The following ZFP64 variants were observed in gnomAD, a reference collection of about 807,000 sequenced individuals.
ZFP64 encodes ZFP64 zinc finger protein.
ZFP64 carries 14 observed loss-of-function variants against 51.6 expected under a neutral mutation model. The observed-to-expected ratio is 0.27, with a 90% CI of 0.18 to 0.42. ZFP64 has a LOEUF of 0.42. Among genes scored for constraint, ZFP64 ranks in the 10% least tolerant of loss-of-function variants. The probability of loss-of-function intolerance (pLI) is 1.00; values close to 1 mark genes in which losing one functional copy is unlikely to be tolerated. For missense variants in ZFP64, 754 were observed against 906.8 expected, an observed-to-expected ratio of 0.83 and a Z score of 2.16; for synonymous variants, 375 against 361.4, an observed-to-expected ratio of 1.04 and a Z score of -0.43.
chr20:52,142,382 A>ACACACACACACGCGCGCG (rs879903441), intron 5 of ZFP64, among the ~76,000 whole-genome samples: 4 of 84,408 alleles, frequency 4.7e-5, no homozygotes, highest in African/African-American at 6.8e-5. Context: ...ACACAGACAC[A>ACACACACACACGCGCGCG]CACACACACA....
At chr20:52,134,350 G>A (rs1979869404) in intron 5 of ZFP64, among the ~76,000 whole-genome samples, 1 of 152,276 alleles carries the variant, frequency 6.6e-6, no homozygotes, top group South Asian at 2.1e-4. Context: ...GCCTTCCACA[G>A]TAAGCCACTG....
chr20:52,108,861 A>AACACACACACAC (rs57127987), intron 5 of ZFP64, among the ~76,000 whole-genome samples: 7 of 139,750 alleles, frequency 5.0e-5, no homozygotes, highest in Admixed American at 2.9e-4. Flanking sequence ...GAAAATCTGA[A>AACACACACACAC]ACACACACAC....
chr20:52,164,186 G>A (rs573843668), intron 4 of ZFP64, among the ~76,000 whole-genome samples: 39 of 152,242 alleles, frequency 2.6e-4, no homozygotes, highest in African/African-American at 9.1e-4. Flanking sequence ...GGTGGCGTCT[G>A]CCTGTAGTCC....
Position 52,165,902 on chromosome 20 carries a change from G to A in ZFP64, c.410C>T (p.Thr137Ile), listed in dbSNP as rs1982225901. 1 of 1,614,166 alleles carries A rather than the reference G, an allele frequency of 6.2e-7. No homozygotes were observed. Among genetic ancestry groups the A allele is most frequent in the South Asian group, 1.1e-5 (1 of 91,082 alleles). ...PAKSRTKKPT[T>I]PPAQKRLNCC... ...GTTAAGCCTTTTCTGAGCAGGTGGT[G>A]TTGTGGGCTTTTTGGTGCGTGACTT... The change falls in exon 3 of 6, where the codon ACA (threonine) becomes ATA (isoleucine). Residue 137 changes from threonine (T) to isoleucine (I), a missense_variant. This residue lies in a region of ZFP64 where 231 missense variants were observed against 336.7 expected (regional missense o/e 0.69). Transcript: ENST00000216923.
At chr20:52,101,101 C>T (rs2079045282) in intron 5 of ZFP64, among the ~76,000 whole-genome samples, 1 of 152,110 alleles carries the variant, frequency 6.6e-6, no homozygotes, top group Admixed American at 6.6e-5. Context: ...GGGTGAAGGC[C>T]AGGGATGCTG....
intron 5 of ZFP64, among the ~76,000 whole-genome samples, chr20:52,104,307 C>T (rs1482303264): frequency 1.3e-5 from 2 of 152,222 alleles, no homozygotes; most frequent in Admixed American, 6.5e-5. Flanking sequence ...TCCCCTCCCG[C>T]AGGCTCTTCT....
chr20:52,129,151 G>C (rs970440886), intron 5 of ZFP64, among the ~76,000 whole-genome samples: 1 of 150,988 alleles, frequency 6.6e-6, no homozygotes, highest in Non-Finnish European at 1.5e-5. Context: ...GCGCGATCTC[G>C]GCTCACTGCA....
chr20:52,086,897 G>T (rs1446627554), intron 8 of ZFP64, among the ~76,000 whole-genome samples: 1 of 152,112 alleles, frequency 6.6e-6, no homozygotes, highest in Non-Finnish European at 1.5e-5. Context: ...CCATATTCAG[G>T]TATTCACATA....
intron 4 of ZFP64, among the ~76,000 whole-genome samples, chr20:52,162,355 G>A (rs970565301): frequency 1.4e-5 from 2 of 146,556 alleles, no homozygotes; most frequent in African/African-American, 2.5e-5. Context: ...GGCTGGGCGC[G>A]GTAGCTCACA....
At position 52,124,192 on chromosome 20, in the gene ZFP64, T is replaced by TAAA. The variant is rs33931169; in HGVS notation, c.764-25608_764-25606dup. Among the ~76,000 whole-genome samples, 434 of 114,016 alleles carry TAAA rather than the reference T, an allele frequency of 3.8e-3. 1 individual carries two copies. The highest frequency in any genetic ancestry group is 9.6e-3 in the African/African-American group (269 of 28,112). 74.8% of individuals were successfully genotyped at this position (114,016 alleles called of 152,430 possible). A position where few individuals can be genotyped will look rare whatever the true frequency, so the allele number is the denominator to read the frequency against. On this transcript the variant is annotated intron_variant, in intron 5 of 8. Coordinates refer to the ZFP64 transcript ENST00000361387. ...TGATTGAAAGATACATTGTTAAATG[T>TAAA]AAAAAAAAAAAAAAAAAAGTCAGAC...
exon 9 of ZFP64, chr20:52,084,779 G>T (rs754992956): frequency 9.9e-6 from 16 of 1,614,078 alleles, no homozygotes; most frequent in African/African-American, 1.3e-5. Flanking sequence ...TCACGATCTT[G>T]GCCACGTGCT....
At chr20:52,188,461 C>A (rs1984138104) in intron 1 of ZFP64, among the ~76,000 whole-genome samples, 1 of 150,040 alleles carries the variant, frequency 6.7e-6, no homozygotes, top group East Asian at 2.0e-4. Context: ...ACTACAGGCA[C>A]CCGCCACTAC....
chr20:52,152,457 C>T lies in ZFP64; in HGVS notation c.1735G>A (p.Gly579Arg), dbSNP rs1241648314. 2.0e-5 allele frequency: 32 copies of T among 1,613,644 alleles called. No individual in the cohort carries two copies. Among genetic ancestry groups the T allele is most frequent in the Non-Finnish European group, 2.7e-5 (32 of 1,179,930 alleles). ...ATGAGAGTCTGGTGCAGAGTGGCTCCGTCCGTCTGCTCGTGGGTGGTCAGC... is the reference window on the plus strand; with the variant it reads ...ATGAGAGTCTGGTGCAGAGTGGCTCTGTCCGTCTGCTCGTGGGTGGTCAGC... ...VLLTTHEQTD[G>R]ATLHQTLIPT... is the part of the protein sequence containing the mutation. The change falls in exon 6 of 6, where the codon GGA becomes AGA. Residue 579 changes from glycine to arginine, a missense_variant. By Grantham distance (125) the Gly-to-Arg change is moderately radical. Around this residue, in one of 3 missense-constraint regions of ZFP64, gnomAD observed 428 missense variants for 472.4 expected, o/e 0.91. Coordinates refer to ENST00000216923, the MANE Select transcript of ZFP64 (RefSeq NM_018197.3).
intron 2 of ZFP64, among the ~76,000 whole-genome samples, chr20:52,182,700 C>G (rs923440692): frequency 2.0e-5 from 3 of 152,234 alleles, no homozygotes; most frequent in African/African-American, 7.2e-5. Flanking sequence ...GCCTGAGCAA[C>G]AGAGCAAGAC....
At chr20:52,175,687 T>C (rs1983135236) in intron 2 of ZFP64, among the ~76,000 whole-genome samples, 1 of 152,042 alleles carries the variant, frequency 6.6e-6, no homozygotes, top group Non-Finnish European at 1.5e-5. Context: ...TCTGCTACAA[T>C]ACAAAAATTA....
At chr20:52,157,681 A>T (rs770224014) in intron 5 of ZFP64, among the ~76,000 whole-genome samples, 3 of 152,164 alleles carry the variant, frequency 2.0e-5, no homozygotes, top group East Asian at 1.9e-4. Context: ...TTTCTTTTTT[A>T]AAATTATACT....
At chr20:52,158,055 T>C (rs1335366807) in intron 5 of ZFP64, among the ~76,000 whole-genome samples, 1 of 152,202 alleles carries the variant, frequency 6.6e-6, no homozygotes, top group Non-Finnish European at 1.5e-5. Context: ...ACATTTTCTT[T>C]ATCCAGTCTA....
chr20:52,113,541 C>T (rs1278415086), intron 5 of ZFP64, among the ~76,000 whole-genome samples: 1 of 148,936 alleles, frequency 6.7e-6, no homozygotes, highest in Non-Finnish European at 1.5e-5. Context: ...GATTTTCCTG[C>T]CCCAGCCTCC....
At chr20:52,174,314 T>C (rs1428863275) in intron 2 of ZFP64, among the ~76,000 whole-genome samples, 1 of 151,732 alleles carries the variant, frequency 6.6e-6, no homozygotes, top group Non-Finnish European at 1.5e-5. Context: ...GGCAAAACTT[T>C]GTCTCTACTA....
Sources: gnomAD v4.1 joint callset for allele counts (sites outside exome capture counted in the v4.1 genomes callset) on GRCh38, gnomAD v4.1.1 for gene constraint, gnomAD v4.1.1 regional missense constraint, MANE v1.5 for transcripts, NCBI Gene and HGNC (gene_info 2026-07-23, HGNC 2026-07-21) for gene names.